XPO4: variants seen among roughly 807,000 people sequenced by gnomAD.
XPO4 encodes the protein exportin-4.
Under a neutral mutation model 143.0 loss-of-function variants are expected in XPO4, and 39 were observed. The ratio of observed to expected loss-of-function variants is 0.27; its 90% CI spans 0.21 to 0.36. The LOEUF is 0.36. Ranked by LOEUF, XPO4 falls within the 10% of genes least tolerant of loss-of-function variation. The pLI is 1.00. For synonymous variants in XPO4, 439 were observed against 474.0 expected (o/e 0.93, Z 0.96); for missense variants, 907 against 1,348.0 (o/e 0.67, Z 5.12).
intron 18 of XPO4, among the ~76,000 whole-genome samples, chr13:20,793,156 T>C (rs990878850): frequency 2.6e-5 from 4 of 152,228 alleles, no homozygotes; most frequent in African/African-American, 4.8e-5. Flanking sequence ...ATATTTTATA[T>C]TTTGTTTCAG....
At chr13:20,879,448 C>G (rs1000797230) in intron 1 of XPO4, 5 of 469,952 alleles carry the variant, frequency 1.1e-5, no homozygotes, top group Non-Finnish European at 1.4e-5. Flanking sequence ...CAACAGGACC[C>G]ATGTTGTCCA....
chr13:20,834,811 A>C (rs1366650005), intron 6 of XPO4, among the ~76,000 whole-genome samples: 1 of 152,048 alleles, frequency 6.6e-6, no homozygotes, highest in Non-Finnish European at 1.5e-5. Flanking sequence ...AAATTTAAAA[A>C]TTAGCCAGGT....
chr13:20,875,958 A>T (rs4769135), intron 1 of XPO4, among the ~76,000 whole-genome samples: 124,226 of 151,828 alleles, frequency 0.82, 51,006 homozygotes, highest in East Asian at 1. Context: ...AAATTAATTT[A>T]AAAAAAAGAG....
chr13:20,814,287 C>T (rs1440649249), intron 9 of XPO4, among the ~76,000 whole-genome samples: 6 of 150,920 alleles, frequency 4.0e-5, no homozygotes, highest in African/African-American at 1.2e-4. Context: ...TTTAATTATT[C>T]ATATACATAA....
chr13:20,855,176 C>A (rs966664672), intron 4 of XPO4, among the ~76,000 whole-genome samples: 27 of 151,986 alleles, frequency 1.8e-4, no homozygotes, highest in African/African-American at 6.0e-4. Context: ...AAAGACTAGG[C>A]CAGGCGCAGT....
chr13:20,883,767 G>GT (rs1364402202), intron 1 of XPO4, among the ~76,000 whole-genome samples: 2 of 151,986 alleles, frequency 1.3e-5, no homozygotes, highest in African/African-American at 2.4e-5. Context: ...ATTGTATTGG[G>GT]TTTTTTTGTT....
At chr13:20,874,320 A>G (rs187302500) in intron 1 of XPO4, among the ~76,000 whole-genome samples, 2 of 152,382 alleles carry the variant, frequency 1.3e-5, no homozygotes, top group East Asian at 3.9e-4. Flanking sequence ...TGTTCAACTC[A>G]TATCATAGAG....
chr13:20,882,013 G>A (rs1409571777), intron 1 of XPO4, among the ~76,000 whole-genome samples: 4 of 150,216 alleles, frequency 2.7e-5, no homozygotes, highest in Admixed American at 1.3e-4. Context: ...GGGAGGCTGA[G>A]ACAGGAGAAT....
intron 9 of XPO4, among the ~76,000 whole-genome samples, chr13:20,812,227 T>C (rs1389756824): frequency 6.6e-6 from 1 of 151,882 alleles, no homozygotes; most frequent in Non-Finnish European, 1.5e-5. Context: ...AAAAATTAGC[T>C]GGGCATGGTG....
At chr13:20,837,112 A>C (rs568907410) in intron 6 of XPO4, among the ~76,000 whole-genome samples, 1 of 152,346 alleles carries the variant, frequency 6.6e-6, no homozygotes, top group South Asian at 2.1e-4. Flanking sequence ...AGTATTATGA[A>C]TAGCCTATTC....
rs540972169 is a variant in XPO4, at chr13:20,849,345, A to T, written c.457-5459T>A. ...AATTTCTCACCCACTTCTCTCTAGT[A>T]TGGCAAAGAGGAAGAAAGGAGACTT... On this transcript the variant is annotated intron_variant, in intron 4 of 22. Coordinates refer to ENST00000255305, the MANE Select transcript of XPO4 (RefSeq NM_022459.5). 6 of 985,468 alleles carry T rather than the reference A, an allele frequency of 6.1e-6. No homozygotes were observed. The South Asian group carries it at 2.3e-4, about 39-fold the overall frequency. The allele number at this position is 985,468 out of a possible 1,614,324, so 61.0% of individuals were successfully genotyped here. A position where few individuals can be genotyped will look rare whatever the true frequency, so the allele number is the denominator to read the frequency against.
chr13:20,789,901 T>C (rs1038406427), intron 19 of XPO4, among the ~76,000 whole-genome samples: 3 of 151,504 alleles, frequency 2.0e-5, no homozygotes, highest in Non-Finnish European at 4.4e-5. Flanking sequence ...TTACGGATGG[T>C]AGAAAAAAGT....
intron 22 of XPO4, among the ~76,000 whole-genome samples, chr13:20,785,190 C>T (rs1459680834): frequency 6.6e-6 from 1 of 152,132 alleles, no homozygotes; most frequent in Non-Finnish European, 1.5e-5. Context: ...TCATTGGCTT[C>T]TTGGGATATC....
intron 9 of XPO4, among the ~76,000 whole-genome samples, chr13:20,817,633 G>A (rs1000411299): frequency 2.6e-5 from 4 of 152,044 alleles, no homozygotes; most frequent in African/African-American, 9.7e-5. Context: ...TCACCTACTT[G>A]GCTGAACTCA....
At chr13:20,822,008 A>G (rs2059725704) in intron 8 of XPO4, 124 bp downstream of exon 8, 1 of 1,380,312 alleles carries the variant, frequency 7.2e-7, no homozygotes. Context: ...ATTAATTTCA[A>G]ATTACCCATA....
At chr13:20,880,833 C>T (rs2138157329) in intron 1 of XPO4, among the ~76,000 whole-genome samples, 1 of 152,052 alleles carries the variant, frequency 6.6e-6, no homozygotes, top group African/African-American at 2.4e-5. Context: ...TGGCTTGCAC[C>T]TGTAGTCCCA....
chr13:20,896,781 C>T (rs1297607566), intron 1 of XPO4, among the ~76,000 whole-genome samples: 1 of 152,144 alleles, frequency 6.6e-6, no homozygotes, highest in African/African-American at 2.4e-5. Context: ...ATTAGGACTC[C>T]CGTTTTACTT....
chr13:20,861,777 C>CTTTTTTTTTTTT (rs71200306), intron 3 of XPO4, among the ~76,000 whole-genome samples: 4 of 73,442 alleles, frequency 5.4e-5, no homozygotes, highest in African/African-American at 1.9e-4. Flanking sequence ...ACATTTCTCT[C>CTTTTTTTTTTTT]TTTTTTTTTT....
Position 20,785,881 on chromosome 13 carries a change from G to A in XPO4, c.3258+1084C>T, listed in dbSNP as rs1208751715. On this transcript the variant is annotated intron_variant, in intron 22 of 22. Transcript: ENST00000255305. ...ACGGGGGAGGAAAGGAGGGAGGGAG[G>A]GAGGGAGAAAGAAAGAAAGAGGAGG... Among the ~76,000 whole-genome samples, 22 of 101,670 alleles carry A rather than the reference G, an allele frequency of 2.2e-4. 1 individual carries two copies. The highest frequency in any genetic ancestry group is 8.3e-4 in the African/African-American group (22 of 26,364). The allele number at this position is 101,670 out of a possible 152,430, so 66.7% of individuals were successfully genotyped here. A position where few individuals can be genotyped will look rare whatever the true frequency, so the allele number is the denominator to read the frequency against.
Sources: allele counts gnomAD v4.1 joint callset (sites outside exome capture counted in the v4.1 genomes callset), GRCh38; gene constraint gnomAD v4.1.1; transcripts MANE v1.5; gene names NCBI Gene and HGNC (gene_info 2026-07-23, HGNC 2026-07-21).